Variants in AFM observed in about 807,000 individuals in gnomAD.
The protein encoded by AFM is alpha-Alb.
Under a neutral mutation model 68.7 loss-of-function variants are expected in AFM, and 82 were observed. That is an observed-to-expected ratio of 1.19 (90% CI 1.00 to 1.43). The LOEUF is 1.43. AFM is among the 40% of genes most tolerant of loss of function. The pLI is 0.00. For synonymous variants in AFM, 250 were observed against 234.2 expected, an observed-to-expected ratio of 1.07 and a Z score of -0.61; for missense variants, 772 against 701.8, an observed-to-expected ratio of 1.10 and a Z score of -1.13.
chr4:73,484,663 T>G (rs1166359721), intron 3 of AFM, among the ~76,000 whole-genome samples: 1 of 151,962 alleles, frequency 6.6e-6, no homozygotes, highest in African/African-American at 2.4e-5. Flanking sequence ...GTCTCCCTAG[T>G]AGCTGGGATC....
chr4:73,491,749 G>T, intron 7 of AFM, 123 bp from the exon 8 acceptor site: 1 of 847,056 alleles, frequency 1.2e-6, no homozygotes, highest in Non-Finnish European at 1.9e-6. Flanking sequence ...ATATTATCTA[G>T]CAAATTAATT....
At chr4:73,487,606 C>T in intron 5 of AFM, 118 bp from the exon 6 acceptor site, 2 of 670,476 alleles carry the variant, frequency 3.0e-6, no homozygotes, top group Middle Eastern at 4.0e-4. Flanking sequence ...AATAAAAATC[C>T]TGTAGATTTT....
At chr4:73,499,582 T>C (rs1721362007) in intron 11 of AFM, among the ~76,000 whole-genome samples, 1 of 152,176 alleles carries the variant, frequency 6.6e-6, no homozygotes, top group African/African-American at 2.4e-5. Flanking sequence ...TACAGATTCT[T>C]CCTCTTGGCC....
Position 73,488,053 on chromosome 4 carries a change from G to A in AFM, c.713+232G>A, listed in dbSNP as rs540796047. ...GGTGGCTGGGTCTGAGACATATTTA[G>A]GTTAATTGAGAATCTGAACTGCTCT... On this transcript the variant is annotated intron_variant, in intron 6 of 14. Coordinates refer to ENST00000226355, the MANE Select transcript of AFM (RefSeq NM_001133.2). Among the ~76,000 whole-genome samples, 10 of 152,128 alleles carry A rather than the reference G, an allele frequency of 6.6e-5. No individual in the cohort carries two copies. In the South Asian group the frequency reaches 1.9e-3, roughly 28 times the overall value.
chr4:73,495,302 T>G lies in AFM; in HGVS notation c.1061T>G (p.Phe354Cys), dbSNP rs776710910. 5.7e-6 allele frequency: 9 copies of G among 1,576,330 alleles called. No individual in the cohort carries two copies. The highest frequency in any genetic ancestry group is 6.8e-6 in the Non-Finnish European group (8 of 1,169,114). Residue 354 changes from phenylalanine (F) to cysteine (C), a missense_variant and splice_region_variant, in exon 9 of 15, where the codon TTT (phenylalanine) becomes TGT (cysteine). Physicochemically the swap from Phe to Cys is radical, Grantham distance 205. Transcript: ENST00000226355. ...ATACAAAATTTTACACATTGCAGGT[T>G]TACTTTTGAATACTCAAGGAGACAT... ...DADPDTFFAK[F>C]TFEYSRRHPD...
At chr4:73,485,620 A>AAGAT (rs1720873996) in intron 3 of AFM, among the ~76,000 whole-genome samples, 2 of 50,686 alleles carry the variant, frequency 3.9e-5, no homozygotes, top group South Asian at 7.0e-4. Context: ...AAGAGGAAGA[A>AAGAT]GAAGAAGAAA....
intron 4 of AFM, 151 bp downstream of exon 4, chr4:73,486,224 T>C: frequency 4.1e-6 from 3 of 732,568 alleles, no homozygotes; most frequent in Non-Finnish European, 6.7e-6. Context: ...GATACTGTGC[T>C]CAGTGTTCAG....
Position 73,500,105 on chromosome 4 carries a change from C to G in AFM, c.1524C>G (p.Pro508=), listed in dbSNP as rs1721386821. 1.2e-6 allele frequency: 2 copies of G among 1,613,942 alleles called. No individual in the cohort carries two copies. Among genetic ancestry groups the G allele is most frequent in the African/African-American group, 2.7e-5 (2 of 74,914 alleles). The change falls in exon 12 of 15, where the codon CCC becomes CCG. Residue 508 remains proline (P), a synonymous_variant. Coordinates refer to ENST00000226355, the MANE Select transcript of AFM (RefSeq NM_001133.2). ...AAACAAACTTTGCCTTCAGAAGGCC[C>G]TGCTTTGAGAGTTTGAAAGCTGATA... ...CCKTNFAFRR[P]CFESLKADKT...
chr4:73,482,419 C>G (rs1269861993), intron 1 of AFM, among the ~76,000 whole-genome samples: 1 of 152,166 alleles, frequency 6.6e-6, no homozygotes, highest in African/African-American at 2.4e-5. Context: ...GAGGAGGTGT[C>G]TTTTTCTAAT....
rs752091540 is a variant in AFM, at chr4:73,484,211, G to A, written c.138-47G>A. 3.2e-6 allele frequency: 5 copies of A among 1,551,388 alleles called. No homozygotes were observed. The South Asian group carries it at 6.4e-5, about 20-fold the overall frequency. On this transcript the variant is annotated intron_variant, in intron 2 of 14. Transcript: ENST00000226355. ...CTGTGACTTTTTCTTGACCATAAAT[G>A]GAAACTCTGCAACTGATCTTTGTAT...
intron 8 of AFM, among the ~76,000 whole-genome samples, chr4:73,492,520 G>A (rs973048324): frequency 6.6e-6 from 1 of 152,090 alleles, no homozygotes; most frequent in Admixed American, 6.5e-5. Context: ...TAACTGCTAT[G>A]CTATGCCATC....
At chr4:73,488,078 T>C (rs1367386279) in intron 6 of AFM, among the ~76,000 whole-genome samples, 1 of 152,098 alleles carries the variant, frequency 6.6e-6, no homozygotes, top group African/African-American at 2.4e-5. Context: ...TGAACTGCTC[T>C]GGATGTTTCA....
At chr4:73,493,134 G>A (rs2149345125) in intron 8 of AFM, among the ~76,000 whole-genome samples, 1 of 152,224 alleles carries the variant, frequency 6.6e-6, no homozygotes, top group East Asian at 1.9e-4. Flanking sequence ...GTTTATAATG[G>A]TTTGTTGTGT....
chr4:73,498,626 A>G (rs186835388), intron 10 of AFM, among the ~76,000 whole-genome samples: 21 of 152,360 alleles, frequency 1.4e-4, no homozygotes, highest in East Asian at 3.9e-4. Flanking sequence ...TTAAATCAAA[A>G]TAAAACACAG....
intron 10 of AFM, among the ~76,000 whole-genome samples, 169 bp downstream of exon 10, chr4:73,497,918 T>A (rs1235621180): frequency 6.6e-6 from 1 of 152,230 alleles, no homozygotes; most frequent in Non-Finnish European, 1.5e-5. Flanking sequence ...CACATTAATC[T>A]TTTATCAGAA....
Position 73,486,171 on chromosome 4 carries a change from TATTG to T in AFM, c.482+102_482+105del, listed in dbSNP as rs142409130. ...ATAAATATGGCTGGGTTCATTAATT[TATTG>T]ATTAATTGTTTCATTCATTCAAAAC... On this transcript the variant is annotated intron_variant, in intron 4 of 14. Coordinates refer to ENST00000226355, the MANE Select transcript of AFM (RefSeq NM_001133.2). 5.8e-4 allele frequency: 572 copies of T among 993,706 alleles called. 1 individual carries two copies. The African/African-American group carries it at 8.8e-3, about 15-fold the overall frequency. The allele number at this position is 993,706 out of a possible 1,614,324, so 61.6% of individuals were successfully genotyped here. A position where few individuals can be genotyped will look rare whatever the true frequency, so the allele number is the denominator to read the frequency against.
intron 12 of AFM, 84 bp downstream of exon 12, chr4:73,500,311 G>A (rs1721394040): frequency 8.4e-7 from 1 of 1,190,718 alleles, no homozygotes; most frequent in South Asian, 1.5e-5. Context: ...TAGTGGATAT[G>A]TCTTTTTGAT....
intron 8 of AFM, 114 bp downstream of exon 8, chr4:73,492,200 A>T (rs1721092209): frequency 1.1e-6 from 1 of 943,212 alleles, no homozygotes; most frequent in Non-Finnish European, 1.6e-6. Flanking sequence ...ACTAGGTATC[A>T]TATAATTTTT....
At chr4:73,486,172 A>G in intron 4 of AFM, 99 bp downstream of exon 4, 1 of 976,992 alleles carries the variant, frequency 1.0e-6, no homozygotes, top group East Asian at 2.6e-5. Flanking sequence ...TCATTAATTT[A>G]TTGATTAATT....
Sources: gnomAD v4.1 joint callset for allele counts (sites outside exome capture counted in the v4.1 genomes callset) on GRCh38, gnomAD v4.1.1 for gene constraint, MANE v1.5 for transcripts, NCBI Gene and HGNC (gene_info 2026-07-23, HGNC 2026-07-21) for gene names.